The following CTNNA2 variants were observed in gnomAD, a reference collection of about 807,000 sequenced individuals.
CTNNA2 encodes the protein catenin alpha 2.
In CTNNA2, 42 loss-of-function variants were observed where a neutral mutation model predicts 101.0. That is an observed-to-expected ratio of 0.42 (90% CI 0.32 to 0.54). The LOEUF (loss-of-function observed/expected upper bound fraction) is 0.54. CTNNA2 is among the 20% of genes least tolerant of loss of function. The pLI is 0.14. For synonymous variants in CTNNA2, 450 were observed against 456.4 expected, an observed-to-expected ratio of 0.99 and a Z score of 0.18; for missense variants, 871 against 1,223.1, an observed-to-expected ratio of 0.71 and a Z score of 4.29.
rs138786187 is a variant in CTNNA2, at chr2:79,858,283, A to T, written c.465+104A>T. 687 of 870,124 alleles carry T rather than the reference A, an allele frequency of 7.9e-4. 3 individuals are homozygous for T. In the African/African-American group the frequency reaches 9.7e-3, roughly 12 times the overall value. The allele number at this position is 870,124 out of a possible 1,614,324, so 53.9% of individuals were successfully genotyped here. On this transcript the variant is annotated intron_variant, in intron 4 of 18. Transcript: ENST00000402739. ...CTCTAGATGTTTCATTGCTCACCAG[A>T]TCAGTTCATTACCTACCCATGTGGT...
intron 2 of CTNNA2, among the ~76,000 whole-genome samples, chr2:79,704,017 A>G (rs1040787128): frequency 1.3e-5 from 2 of 152,154 alleles, no homozygotes; most frequent in Admixed American, 1.3e-4. Context: ...TGGCATATAT[A>G]TTTAGTAGTA....
At chr2:79,455,618 C>G (rs1185614475) in intron 4 of CTNNA2, among the ~76,000 whole-genome samples, 1 of 152,172 alleles carries the variant, frequency 6.6e-6, no homozygotes, top group Non-Finnish European at 1.5e-5. Flanking sequence ...TTTAAATGCT[C>G]TTCAAAAAAC....
At chr2:79,337,890 T>G (rs1677032051) in intron 3 of CTNNA2, among the ~76,000 whole-genome samples, 1 of 152,120 alleles carries the variant, frequency 6.6e-6, no homozygotes, top group Non-Finnish European at 1.5e-5. Context: ...GGGGTTCTGA[T>G]TTATTCAAGG....
chr2:79,472,207 A>G (rs1671007461), intron 4 of CTNNA2, among the ~76,000 whole-genome samples: 1 of 152,350 alleles, frequency 6.6e-6, no homozygotes, highest in Middle Eastern at 3.4e-3. Flanking sequence ...ATAAATCTCA[A>G]GTAAGTCCAC....
intron 17 of CTNNA2, among the ~76,000 whole-genome samples, chr2:80,616,065 C>CTG (rs1698827490): frequency 6.6e-6 from 1 of 151,658 alleles, no homozygotes; most frequent in South Asian, 2.1e-4. Flanking sequence ...ACACCTTCAT[C>CTG]TGTGCAGATG....
intron 7 of CTNNA2, among the ~76,000 whole-genome samples, chr2:80,075,694 ATACT>A: frequency 1.1e-5 from 1 of 87,360 alleles, no homozygotes; most frequent in African/African-American, 4.8e-5. Flanking sequence ...AATAATATTT[ATACT>A]TGTATAAATA....
At chr2:80,301,056 A>T (rs1676258561) in intron 7 of CTNNA2, among the ~76,000 whole-genome samples, 1 of 152,006 alleles carries the variant, frequency 6.6e-6, no homozygotes, top group Admixed American at 6.5e-5. Flanking sequence ...ATATGCAAAC[A>T]CAGGATCAAA....
At chr2:79,338,599 T>TTCTTCTTCG (rs1677057459) in intron 3 of CTNNA2, among the ~76,000 whole-genome samples, 2 of 145,648 alleles carry the variant, frequency 1.4e-5, no homozygotes, top group Non-Finnish European at 3.0e-5. Flanking sequence ...CTTCTTCTTC[T>TTCTTCTTCG]TCTTCTTCTT....
chr2:79,553,110 AT>A (rs962956549), intron 1 of CTNNA2, among the ~76,000 whole-genome samples: 5 of 151,994 alleles, frequency 3.3e-5, no homozygotes, highest in Non-Finnish European at 5.9e-5. Flanking sequence ...GTTCCCAATC[AT>A]TTTTTTGCCC....
chr2:79,462,871 T>C (rs1056137021), intron 4 of CTNNA2, among the ~76,000 whole-genome samples: 1 of 152,154 alleles, frequency 6.6e-6, no homozygotes, highest in Non-Finnish European at 1.5e-5. Context: ...TGTCTATGGT[T>C]GGAAAGTTCA....
intron 7 of CTNNA2, among the ~76,000 whole-genome samples, chr2:80,122,752 C>T (rs184212204): frequency 1.1e-4 from 16 of 152,092 alleles, no homozygotes; most frequent in Middle Eastern, 3.4e-3. Flanking sequence ...TGTGTGTGTG[C>T]GCATGTGCAT....
At chr2:79,989,593 A>T (rs561918828) in intron 7 of CTNNA2, among the ~76,000 whole-genome samples, 2 of 152,128 alleles carry the variant, frequency 1.3e-5, no homozygotes, top group African/African-American at 4.8e-5. Context: ...CCATGATCAC[A>T]CCACTGCACT....
At chr2:79,489,782 C>G (rs541634875) in intron 4 of CTNNA2, among the ~76,000 whole-genome samples, 2 of 152,228 alleles carry the variant, frequency 1.3e-5, no homozygotes, top group African/African-American at 4.8e-5. Flanking sequence ...CGCAATTTCT[C>G]AATAACTAGG....
At chr2:79,930,714 A>G (rs1390400537) in intron 7 of CTNNA2, among the ~76,000 whole-genome samples, 1 of 152,348 alleles carries the variant, frequency 6.6e-6, no homozygotes, top group East Asian at 1.9e-4. Context: ...AATCAATTCT[A>G]TTCTATGAAG....
At chr2:79,732,651 A>T (rs1037895885) in intron 2 of CTNNA2, among the ~76,000 whole-genome samples, 2 of 152,090 alleles carry the variant, frequency 1.3e-5, no homozygotes, top group African/African-American at 4.8e-5. Context: ...CACTTTTAAA[A>T]ACAACATTCT....
At chr2:80,016,408 C>T (rs987162831) in intron 7 of CTNNA2, among the ~76,000 whole-genome samples, 2 of 151,878 alleles carry the variant, frequency 1.3e-5, no homozygotes, top group African/African-American at 4.8e-5. Flanking sequence ...GCTATGGAGA[C>T]GAGGAGAATA....
chr2:80,204,079 C>T (rs1707376050), intron 7 of CTNNA2, among the ~76,000 whole-genome samples: 1 of 152,222 alleles, frequency 6.6e-6, no homozygotes, highest in Non-Finnish European at 1.5e-5. Context: ...AGACTGCACA[C>T]AGCAGAGGGA....
intron 9 of CTNNA2, among the ~76,000 whole-genome samples, chr2:80,496,494 G>A (rs1281266188): frequency 2.1e-4 from 32 of 148,910 alleles, no homozygotes; most frequent in Admixed American, 2.1e-3. Context: ...TTAAATCTGA[G>A]TTTAAATCCA....
chr2:80,160,170 T>C (rs1465529158), intron 7 of CTNNA2, among the ~76,000 whole-genome samples: 1 of 152,202 alleles, frequency 6.6e-6, no homozygotes, highest in Non-Finnish European at 1.5e-5. Flanking sequence ...GTGTTGATTT[T>C]TCCACCAATA....
Sources: allele counts gnomAD v4.1 joint callset (sites outside exome capture counted in the v4.1 genomes callset), GRCh38; gene constraint gnomAD v4.1.1; transcripts MANE v1.5; gene names NCBI Gene and HGNC (gene_info 2026-07-23, HGNC 2026-07-21).